USP48: variants seen among roughly 807,000 people sequenced by gnomAD.
USP48 encodes ubiquitin specific peptidase 48.
In USP48, 43 loss-of-function variants were observed where a neutral mutation model predicts 150.7. That is an observed-to-expected ratio of 0.29 (90% confidence interval 0.22 to 0.37). The LOEUF is 0.37. Ranked by LOEUF, USP48 falls within the 10% of genes least tolerant of loss-of-function variation. USP48 has a pLI of 1.00. For missense variants in USP48, 813 were observed against 1,249.6 expected (o/e 0.65, Z 5.27); for synonymous variants, 396 against 425.9 (o/e 0.93, Z 0.86).
At chr1:21,696,658 T>G (rs829387) in intron 22 of USP48, among the ~76,000 whole-genome samples, 137,151 of 151,926 alleles carry the variant, frequency 0.9, 61,993 homozygotes, top group Middle Eastern at 0.98. Context: ...GGTAGGACAC[T>G]GTCTTTATTT....
intron 8 of USP48, among the ~76,000 whole-genome samples, chr1:21,745,428 T>C (rs978537664): frequency 1.3e-5 from 2 of 151,204 alleles, no homozygotes; most frequent in South Asian, 4.2e-4. Flanking sequence ...TAAAAAAAAA[T>C]AACTAAAAAT....
chr1:21,717,615 A>G (rs185995629), intron 14 of USP48, among the ~76,000 whole-genome samples: 104 of 152,324 alleles, frequency 6.8e-4, no homozygotes, highest in African/African-American at 2.2e-3. Context: ...TTTGAAAAAC[A>G]TTAAGCCTCA....
rs113523532 is a variant in USP48, at chr1:21,683,579, G to T, written c.3059-2745C>A. ...TTTTAAAATTTGTAGTAGAGACAGG[G>T]TCTCACTATGTTGCCCAGGTTGGTC... On this transcript the variant is annotated intron_variant, in intron 25 of 26. Coordinates refer to ENST00000308271, the MANE Select transcript of USP48 (RefSeq NM_032236.8). 2.5e-3 allele frequency among the ~76,000 whole-genome samples: 374 copies of T among 152,222 alleles called. 1 individual carries two copies. The highest frequency in any genetic ancestry group is 8.4e-3 in the African/African-American group (349 of 41,524).
At chr1:21,707,831 G>A (rs1345064564) in intron 15 of USP48, among the ~76,000 whole-genome samples, 1 of 152,092 alleles carries the variant, frequency 6.6e-6, no homozygotes, top group Non-Finnish European at 1.5e-5. Context: ...ATATAACCAG[G>A]CAGAGTACAG....
chr1:21,751,516 T>C lies in USP48; in HGVS notation c.765A>G (p.Glu255=), dbSNP rs769934960. The change falls in exon 6 of 27, where the codon GAA becomes GAG. Residue 255 remains glutamate, a synonymous_variant. Coordinates refer to ENST00000308271, the MANE Select transcript of USP48 (RefSeq NM_032236.8). ...ACCAAAATTTGAATACCTTCAAAAA[T>C]TCCGAGATACAATCTGTTAACTGTT... ...GHKQLTDCIS[E]FLKEEKLEGD... is the part of the protein sequence containing the mutation. 1.2e-6 allele frequency: 2 copies of C among 1,613,388 alleles called. No individual in the cohort carries two copies. The highest frequency in any genetic ancestry group is 2.7e-5 in the African/African-American group (2 of 74,918).
intron 11 of USP48, chr1:21,724,360 A>G: frequency 1.7e-6 from 1 of 592,418 alleles, no homozygotes; most frequent in African/African-American, 1.9e-5. Flanking sequence ...CACATTCTAC[A>G]AGAGGCATCC....
intron 1 of USP48, among the ~76,000 whole-genome samples, chr1:21,766,647 C>T (rs373534762): frequency 2.0e-5 from 3 of 152,124 alleles, no homozygotes; most frequent in South Asian, 2.1e-4. Context: ...TGGTCATTTA[C>T]AGAGGTTCTG....
At chr1:21,719,146 C>A (rs1237405532) in intron 14 of USP48, among the ~76,000 whole-genome samples, 1 of 147,182 alleles carries the variant, frequency 6.8e-6, no homozygotes, top group Non-Finnish European at 1.5e-5. Flanking sequence ...ATGTGTAATC[C>A]CAGCTACTTG....
At position 21,721,018 on chromosome 1, in the gene USP48, A is replaced by G; in HGVS notation, c.1894+18T>C. The G allele has an allele frequency of 3.1e-6, 5 of 1,613,710 alleles. No homozygotes were observed. Among genetic ancestry groups the G allele is most frequent in the Non-Finnish European group, 4.2e-6 (5 of 1,179,744 alleles). ...GGTATAGTTTCACAATGATCTACAC[A>G]TAGGTTTAAAGTGTTACCTTTATTT... On this transcript the variant is annotated intron_variant, in intron 14 of 26. Coordinates refer to ENST00000308271, the MANE Select transcript of USP48 (RefSeq NM_032236.8).
intron 25 of USP48, among the ~76,000 whole-genome samples, chr1:21,684,729 G>A (rs1305400522): frequency 1.3e-5 from 2 of 152,170 alleles, no homozygotes; most frequent in Non-Finnish European, 2.9e-5. Context: ...TATATAGTGA[G>A]AGACAGAGGT....
chr1:21,706,716 T>C (rs2097673728), intron 16 of USP48, 28 bp downstream of exon 16: 1 of 1,609,850 alleles, frequency 6.2e-7, no homozygotes, highest in Non-Finnish European at 8.5e-7. Flanking sequence ...GGCATGCCAT[T>C]TCCCCAGATG....
intron 10 of USP48, among the ~76,000 whole-genome samples, 171 bp from the exon 11 acceptor site, chr1:21,728,890 A>G (rs965554144): frequency 1.3e-5 from 2 of 152,210 alleles, no homozygotes; most frequent in Non-Finnish European, 2.9e-5. Context: ...AAAAGTGAAG[A>G]CAGCCACTGG....
In USP48 at chr1:21,757,081, G is replaced by A. The variant is rs527826030; in HGVS notation, c.256-379C>T. On this transcript the variant is annotated intron_variant, in intron 2 of 26. Transcript: ENST00000308271. ...AGCAGAATGACAAAGTAAAACTTAT[G>A]CAGAAAACTTCCTTTATATTCTAGA... 420 of 831,674 alleles carry A rather than the reference G, an allele frequency of 5.1e-4. No homozygotes were observed. In the South Asian group the frequency reaches 0.011, roughly 21 times the overall value. 51.5% of individuals were successfully genotyped at this position (831,674 alleles called of 1,614,324 possible). A position where few individuals can be genotyped will look rare whatever the true frequency, so the allele number is the denominator to read the frequency against.
At chr1:21,760,311 G>A (rs189472555) in intron 1 of USP48, among the ~76,000 whole-genome samples, 159 of 152,330 alleles carry the variant, frequency 1.0e-3, no homozygotes, top group African/African-American at 3.5e-3. Flanking sequence ...GCAGATTTCT[G>A]TAGGATACCC....
rs1553516739 is a variant in USP48 at position 21,679,168 on chromosome 1, GCC to G, written c.*247_*248del. On this transcript the variant is annotated 3_prime_UTR_variant, in exon 27 of 27. Transcript: ENST00000308271. ...TACTAAACTTGTTCCGTCTTTACTT[GCC>G]CCCTCCCACCCACCACCCCCCTTAA... 11 of 531,126 alleles carry G rather than the reference GCC, an allele frequency of 2.1e-5. No homozygotes were observed. The highest frequency in any genetic ancestry group is 6.7e-6 in the Non-Finnish European group (2 of 297,382). 32.9% of individuals were successfully genotyped at this position (531,126 alleles called of 1,614,324 possible). A position where few individuals can be genotyped will look rare whatever the true frequency, so the allele number is the denominator to read the frequency against.
intron 1 of USP48, among the ~76,000 whole-genome samples, chr1:21,758,205 C>T (rs1053580283): frequency 4.6e-5 from 7 of 151,576 alleles, no homozygotes; most frequent in Admixed American, 2.0e-4. Flanking sequence ...CACACACACA[C>T]ACACACACAC....
rs1255453462 is a variant in USP48 at position 21,679,134 on chromosome 1, T to C, written c.*283A>G. 1 of 516,692 alleles carries C rather than the reference T, an allele frequency of 1.9e-6. No homozygotes were observed. The highest frequency in any genetic ancestry group is 3.4e-5 in the Admixed American group (1 of 29,452). 32.0% of individuals were successfully genotyped at this position (516,692 alleles called of 1,614,324 possible). On this transcript the variant is annotated 3_prime_UTR_variant, in exon 27 of 27. Coordinates refer to ENST00000308271, the MANE Select transcript of USP48 (RefSeq NM_032236.8). Reference sequence around the variant, plus strand: ...AATCTCATATGTAAACATGATTTACTATTACTGCTACTAAACTTGTTCCGT... The same window carrying C: ...AATCTCATATGTAAACATGATTTACCATTACTGCTACTAAACTTGTTCCGT...
chr1:21,748,386 T>TAAACAGTAGC (rs1444878059), intron 6 of USP48, 115 bp from the exon 7 acceptor site: 3 of 953,220 alleles, frequency 3.1e-6, no homozygotes, highest in Non-Finnish European at 4.5e-6. Context: ...CTTAAGCTAC[T>TAAACAGTAGC]TAAAAACAGC....
intron 22 of USP48, among the ~76,000 whole-genome samples, chr1:21,696,542 T>A (rs1427449863): frequency 6.6e-6 from 1 of 152,226 alleles, no homozygotes; most frequent in African/African-American, 2.4e-5. Flanking sequence ...AATTACATAC[T>A]GATTTGAGAG....
Sources: gnomAD v4.1 joint callset for allele counts (sites outside exome capture counted in the v4.1 genomes callset) on GRCh38, gnomAD v4.1.1 for gene constraint, MANE v1.5 for transcripts, NCBI Gene and HGNC (gene_info 2026-07-23, HGNC 2026-07-21) for gene names.